SAMD5: variants seen among roughly 807,000 people sequenced by gnomAD.
SAMD5 encodes the protein sterile alpha motif domain-containing protein 5.
In SAMD5, 13 loss-of-function variants were observed where a neutral mutation model predicts 11.3. The ratio of observed to expected loss-of-function variants is 1.15; its 90% CI spans 0.75 to 1.83. The LOEUF (loss-of-function observed/expected upper bound fraction) is 1.83. SAMD5 is among the 40% of genes most tolerant of loss of function. The pLI, the probability that SAMD5 is intolerant of heterozygous loss-of-function variation, is 0.00. For missense variants in SAMD5, 255 were observed against 239.1 expected (o/e 1.07, Z -0.44); for synonymous variants, 129 against 111.3 (o/e 1.16, Z -1.00).
chr6:147,835,752 A>G, the SAMD5 span, among the ~76,000 whole-genome samples: 1 of 152,000 alleles, frequency 6.6e-6, no homozygotes, highest in Admixed American at 6.6e-5. Flanking sequence ...AAGCAAGGAG[A>G]AACTGAGGTA....
chr6:147,609,279 G>A (rs1248682187), intron 1 of SAMD5, among the ~76,000 whole-genome samples: 1 of 152,160 alleles, frequency 6.6e-6, no homozygotes, highest in Non-Finnish European at 1.5e-5. Context: ...CATACAGGGG[G>A]AGCACTTTGT....
intron 1 of SAMD5, among the ~76,000 whole-genome samples, chr6:147,645,408 TTTAA>T (rs1790383017): frequency 6.6e-6 from 1 of 152,110 alleles, no homozygotes; most frequent in Non-Finnish European, 1.5e-5. Flanking sequence ...GCAATATAAT[TTTAA>T]AGCAAAAAGA....
At chr6:147,691,838 G>C (rs963374300) in intron 1 of SAMD5, among the ~76,000 whole-genome samples, 1 of 149,398 alleles carries the variant, frequency 6.7e-6, no homozygotes, top group Admixed American at 6.6e-5. Flanking sequence ...GTTCTTTGCA[G>C]ATATTTAAGT....
At chr6:147,753,296 G>A in the SAMD5 span, among the ~76,000 whole-genome samples, 1 of 152,230 alleles carries the variant, frequency 6.6e-6, no homozygotes, top group African/African-American at 2.4e-5. Context: ...TCATGTCACA[G>A]GCATACATTG....
chr6:147,821,649 A>G, the SAMD5 span, among the ~76,000 whole-genome samples: 1 of 152,220 alleles, frequency 6.6e-6, no homozygotes. Flanking sequence ...GTTCTACAGC[A>G]GACAGATTGC....
chr6:147,689,545 T>G (rs1791070006), intron 1 of SAMD5, among the ~76,000 whole-genome samples: 1 of 152,224 alleles, frequency 6.6e-6, no homozygotes, highest in Non-Finnish European at 1.5e-5. Context: ...TCTTCCCTTT[T>G]CCCAGTCAAA....
At chr6:147,640,621 T>C (rs1338573162) in intron 1 of SAMD5, among the ~76,000 whole-genome samples, 1 of 151,928 alleles carries the variant, frequency 6.6e-6, no homozygotes, top group African/African-American at 2.4e-5. Context: ...TTCTCACATA[T>C]TGAAGAAGGA....
the SAMD5 span, among the ~76,000 whole-genome samples, chr6:147,787,823 C>T: frequency 0.012 from 1,866 of 152,228 alleles, 18 homozygotes; most frequent in Non-Finnish European, 0.02. Context: ...GTATCCTTTT[C>T]CAACACAACA....
At chr6:147,511,581 CAG>C (rs1788090806) in intron 1 of SAMD5, among the ~76,000 whole-genome samples, 1 of 150,352 alleles carries the variant, frequency 6.7e-6, no homozygotes, top group African/African-American at 2.4e-5. Context: ...AAAATAGAAA[CAG>C]AAGTGTTTTC....
At chr6:147,757,704 A>C in the SAMD5 span, among the ~76,000 whole-genome samples, 1,757 of 152,308 alleles carry the variant, frequency 0.012, 33 homozygotes, top group African/African-American at 0.041. Context: ...AGAAGAAATG[A>C]GTCATCAAAG....
the SAMD5 span, among the ~76,000 whole-genome samples, chr6:147,906,338 C>G: frequency 1.3e-5 from 2 of 152,182 alleles, no homozygotes; most frequent in African/African-American, 4.8e-5. Context: ...TACCAACTTT[C>G]TTCTCTGCCA....
At chr6:147,706,283 G>A (rs1170219559) in intron 1 of SAMD5, among the ~76,000 whole-genome samples, 3 of 151,942 alleles carry the variant, frequency 2.0e-5, no homozygotes, top group South Asian at 2.1e-4. Flanking sequence ...GTGCAGTGGC[G>A]CGATCTTGGC....
At chr6:147,672,323 G>T (rs1392777547) in intron 1 of SAMD5, among the ~76,000 whole-genome samples, 1 of 151,894 alleles carries the variant, frequency 6.6e-6, no homozygotes, top group Non-Finnish European at 1.5e-5. Context: ...GGATGTTCTT[G>T]GATTGAGAAA....
chr6:147,772,844 T>C, the SAMD5 span, among the ~76,000 whole-genome samples: 3 of 152,246 alleles, frequency 2.0e-5, no homozygotes, highest in South Asian at 2.1e-4. Context: ...CTTCAACATA[T>C]GAGTTTGGGA....
the SAMD5 span, among the ~76,000 whole-genome samples, chr6:147,746,502 G>A: frequency 6.6e-6 from 1 of 152,158 alleles, no homozygotes; most frequent in African/African-American, 2.4e-5. Flanking sequence ...CATGTACTTT[G>A]TCAAGGAGAG....
At chr6:147,746,157 G>C in the SAMD5 span, among the ~76,000 whole-genome samples, 1 of 152,168 alleles carries the variant, frequency 6.6e-6, no homozygotes, top group Non-Finnish European at 1.5e-5. Flanking sequence ...CCCTTGAAGG[G>C]ATCAGACGAA....
At chr6:147,520,969 C>T (rs1788244704) in intron 1 of SAMD5, among the ~76,000 whole-genome samples, 1 of 152,004 alleles carries the variant, frequency 6.6e-6, no homozygotes, top group Non-Finnish European at 1.5e-5. Flanking sequence ...ACTTGTTCAT[C>T]CTGTCTAATT....
intron 1 of SAMD5, among the ~76,000 whole-genome samples, chr6:147,720,868 T>G: frequency 8.4e-6 from 1 of 119,064 alleles, no homozygotes. Flanking sequence ...CCCACAACAG[T>G]CCCCAGAGTG....
At chr6:147,899,190 A>G in the SAMD5 span, among the ~76,000 whole-genome samples, 2 of 105,252 alleles carry the variant, frequency 1.9e-5, no homozygotes, top group Non-Finnish European at 3.8e-5. Flanking sequence ...AAAAAAAAAA[A>G]AAAGATAACG....
Sources: gnomAD v4.1 joint callset for allele counts (sites outside exome capture counted in the v4.1 genomes callset) on GRCh38, gnomAD v4.1.1 for gene constraint, MANE v1.5 for transcripts, NCBI Gene and HGNC (gene_info 2026-07-23, HGNC 2026-07-21) for gene names.